The following NLGN1 variants were observed in gnomAD, a reference collection of about 807,000 sequenced individuals.
NLGN1 encodes neuroligin 1, also known as neuroligin-1.
Under a neutral mutation model 65.5 loss-of-function variants are expected in NLGN1, and 12 were observed. The ratio of observed to expected loss-of-function variants is 0.18; its 90% CI spans 0.12 to 0.30. The LOEUF is 0.30. Among genes scored for constraint, NLGN1 ranks in the 10% least tolerant of loss-of-function variants. The pLI is 1.00. For synonymous variants in NLGN1, 350 were observed against 359.5 expected (o/e 0.97, Z 0.30); for missense variants, 750 against 1,007.1 (o/e 0.74, Z 3.46).
intron 4 of NLGN1, among the ~76,000 whole-genome samples, chr3:174,241,230 T>A (rs975088808): frequency 4.6e-5 from 7 of 152,160 alleles, no homozygotes; most frequent in Admixed American, 4.6e-4. Context: ...CTTTTTAAAA[T>A]TCTTATTCAT....
At chr3:173,930,178 C>T (rs959264500) in intron 4 of NLGN1, among the ~76,000 whole-genome samples, 1 of 152,126 alleles carries the variant, frequency 6.6e-6, no homozygotes, top group Non-Finnish European at 1.5e-5. Context: ...TTGGAAATTC[C>T]GTACCTACTG....
At chr3:173,691,046 T>G (rs1416308566) in intron 3 of NLGN1, among the ~76,000 whole-genome samples, 3 of 152,106 alleles carry the variant, frequency 2.0e-5, no homozygotes, top group African/African-American at 7.2e-5. Context: ...TTCCGGGAGA[T>G]GGAGGAGTGG....
At chr3:174,091,936 T>C (rs1744596917) in intron 4 of NLGN1, among the ~76,000 whole-genome samples, 1 of 152,202 alleles carries the variant, frequency 6.6e-6, no homozygotes, top group Admixed American at 6.5e-5. Context: ...TTAAGAGTAC[T>C]GTACTAAGGA....
intron 4 of NLGN1, among the ~76,000 whole-genome samples, chr3:174,207,480 A>G (rs908926233): frequency 2.6e-5 from 4 of 152,228 alleles, no homozygotes; most frequent in Non-Finnish European, 4.4e-5. Context: ...AATAAAATGA[A>G]TATGTTTTTC....
At chr3:174,146,093 TTTCC>T (rs35623695) in intron 4 of NLGN1, among the ~76,000 whole-genome samples, 25,643 of 124,868 alleles carry the variant, frequency 0.21, 2,649 homozygotes, top group Middle Eastern at 0.26. Flanking sequence ...ATTCTACTCT[TTTCC>T]TTCCTTCCTT....
At chr3:173,560,438 A>G (rs1037082887) in intron 2 of NLGN1, among the ~76,000 whole-genome samples, 14 of 152,126 alleles carry the variant, frequency 9.2e-5, no homozygotes, top group Admixed American at 2.6e-4. Flanking sequence ...AGAAGAAAAC[A>G]AGGGAAGAGA....
chr3:173,510,261 A>AT (rs1192050075), intron 2 of NLGN1, among the ~76,000 whole-genome samples: 5 of 152,210 alleles, frequency 3.3e-5, no homozygotes, highest in African/African-American at 1.2e-4. Flanking sequence ...CAATGTGATG[A>AT]TTGATATCAC....
At chr3:174,083,652 A>T (rs185203651) in intron 4 of NLGN1, among the ~76,000 whole-genome samples, 7 of 152,194 alleles carry the variant, frequency 4.6e-5, no homozygotes, top group Non-Finnish European at 8.8e-5. Flanking sequence ...GAAATGCCGG[A>T]AAGTTCATAG....
intron 4 of NLGN1, among the ~76,000 whole-genome samples, chr3:173,889,701 C>T (rs941245647): frequency 6.6e-5 from 10 of 152,080 alleles, no homozygotes; most frequent in Admixed American, 3.3e-4. Flanking sequence ...GGTCTGGCAA[C>T]GACCATGATA....
exon 7 of NLGN1, chr3:174,283,856 T>C (rs996608909): frequency 6.6e-6 from 1 of 151,468 alleles, no homozygotes. Context: ...TATTGTTCAA[T>C]TGGAACACTG....
rs116665336 is a variant in NLGN1 at position 174,279,899 on chromosome 3, T to G, written c.1649+249T>G. ...ATTACTTAATTACATCTGCTTTTGG[T>G]TTTTGAATTATACAAGACTTGTTAT... On this transcript the variant is annotated intron_variant, in intron 6 of 6. Transcript: ENST00000457714. This position sits in a 1 kb window ranked among gnomAD's most constrained non-coding sequence, Gnocchi z 4.7. Among the ~76,000 whole-genome samples, 1 of 151,966 alleles carries G rather than the reference T, an allele frequency of 6.6e-6. No homozygotes were observed. The highest frequency in any genetic ancestry group is 1.5e-5 in the Non-Finnish European group (1 of 67,938).
At chr3:173,555,000 A>G (rs978911134) in intron 2 of NLGN1, among the ~76,000 whole-genome samples, 15 of 152,202 alleles carry the variant, frequency 9.9e-5, no homozygotes, top group East Asian at 1.9e-4. Flanking sequence ...CATTACTCCA[A>G]TGACTAAAGA....
chr3:173,606,717 T>C (rs1751460118), intron 3 of NLGN1, among the ~76,000 whole-genome samples: 1 of 152,044 alleles, frequency 6.6e-6, no homozygotes, highest in African/African-American at 2.4e-5. Flanking sequence ...GTTTGCTTTG[T>C]CTTTGCTGTT....
chr3:173,561,563 C>T (rs530460206), intron 2 of NLGN1, among the ~76,000 whole-genome samples: 50 of 152,108 alleles, frequency 3.3e-4, no homozygotes, highest in African/African-American at 1.2e-3. Context: ...ATTTAGAAAA[C>T]ATAATGGCAA....
At position 173,517,786 on chromosome 3, in the gene NLGN1, C is replaced by CTATG. The variant is rs754974366; in HGVS notation, c.-321+82711_-321+82712insGTAT. 2.6e-5 allele frequency among the ~76,000 whole-genome samples: 4 copies of CTATG among 151,528 alleles called. No individual in the cohort carries two copies. The South Asian group carries it at 8.3e-4, about 31-fold the overall frequency. Reference sequence around the variant, plus strand: ...TCTATCTATCTATCTATCTATCTATCTATCTATCTATCTATCATATCTATC... The same window carrying CTATG: ...TCTATCTATCTATCTATCTATCTATCTATGTATCTATCTATCTATCATATCTATC... On this transcript the variant is annotated intron_variant, in intron 2 of 6. Transcript: ENST00000457714.
chr3:173,977,517 A>G (rs1717774632), intron 4 of NLGN1, among the ~76,000 whole-genome samples: 1 of 152,060 alleles, frequency 6.6e-6, no homozygotes, highest in Admixed American at 6.6e-5. Flanking sequence ...TTAAGCCCCA[A>G]AGAAAAGGTA....
chr3:174,239,188 C>T (rs774160215), intron 4 of NLGN1, among the ~76,000 whole-genome samples: 18 of 152,126 alleles, frequency 1.2e-4, no homozygotes, highest in Non-Finnish European at 2.2e-4. Context: ...CCTGCCTCAG[C>T]CTCCCAAGTA....
At position 173,795,682 on chromosome 3, in the gene NLGN1, C is replaced by T. The variant is rs78308911; in HGVS notation, c.494-11998C>T. On this transcript the variant is annotated intron_variant, in intron 3 of 6. Transcript: ENST00000457714. ...GTCAAATATAGTAACATAATCCTGTCGTTACTTAAAATGCATTGAATTCTG... is the reference window on the plus strand; with the variant it reads ...GTCAAATATAGTAACATAATCCTGTTGTTACTTAAAATGCATTGAATTCTG... 3.6e-4 allele frequency among the ~76,000 whole-genome samples: 55 copies of T among 152,080 alleles called. 1 individual carries two copies. In the East Asian group the frequency reaches 9.8e-3, roughly 27 times the overall value.
At chr3:173,869,450 G>T (rs570544288) in intron 4 of NLGN1, among the ~76,000 whole-genome samples, 1 of 152,196 alleles carries the variant, frequency 6.6e-6, no homozygotes, top group South Asian at 2.1e-4. Context: ...AATGGCAAAG[G>T]TTGTTTGGTT....
Sources: allele counts gnomAD v4.1 joint callset (sites outside exome capture counted in the v4.1 genomes callset), GRCh38; gene constraint gnomAD v4.1.1; non-coding constraint Gnocchi (gnomAD v3.1); transcripts MANE v1.5; gene names NCBI Gene and HGNC (gene_info 2026-07-23, HGNC 2026-07-21).